The following TNFAIP1 variants were observed in gnomAD, a reference collection of about 807,000 sequenced individuals.
The protein encoded by TNFAIP1 is BTB/POZ domain-containing adapter for CUL3-mediated RhoA degradation protein 2.
In TNFAIP1, 20 loss-of-function variants were observed where a neutral mutation model predicts 32.6. The ratio of observed to expected loss-of-function variants is 0.61; its 90% CI spans 0.43 to 0.89. The LOEUF (loss-of-function observed/expected upper bound fraction) is 0.89. TNFAIP1 is among the 40% of genes least tolerant of loss of function. The pLI, the probability that TNFAIP1 is intolerant of heterozygous loss-of-function variation, is 0.00. For synonymous variants in TNFAIP1, 166 were observed against 166.8 expected, an observed-to-expected ratio of 1.00 and a Z score of 0.04; for missense variants, 319 against 425.1, an observed-to-expected ratio of 0.75 and a Z score of 2.20.
At chr17:28,343,781 CT>C (rs1407044229) in intron 6 of TNFAIP1, among the ~76,000 whole-genome samples, 5 of 152,058 alleles carry the variant, frequency 3.3e-5, no homozygotes, top group African/African-American at 1.2e-4. Context: ...CAGAGCAGGT[CT>C]GGCTAGAATT....
chr17:28,343,502 C>G (rs1453522137), intron 6 of TNFAIP1, among the ~76,000 whole-genome samples: 1 of 134,742 alleles, frequency 7.4e-6, no homozygotes. Flanking sequence ...GGCCAACTTA[C>G]AGGTGGCCCT....
At chr17:28,339,241 GAAAAA>G in intron 1 of TNFAIP1, among the ~76,000 whole-genome samples, 162 bp from the exon 2 acceptor site, 1 of 82,410 alleles carries the variant, frequency 1.2e-5, no homozygotes, top group African/African-American at 4.5e-5. Context: ...CTGTCTCTAA[GAAAAA>G]AAAAAAAAAA....
At chr17:28,338,524 C>G (rs1907249859) in intron 1 of TNFAIP1, among the ~76,000 whole-genome samples, 1 of 151,824 alleles carries the variant, frequency 6.6e-6, no homozygotes, top group African/African-American at 2.4e-5. Context: ...CTGGCCGGCA[C>G]CCCCGACCCT....
chr17:28,345,781 AGGAGCAACC>A lies in TNFAIP1; in HGVS notation c.*1183_*1191del, dbSNP rs1907534894. 6.6e-6 allele frequency: 1 copy of A among 152,304 alleles called. No individual in the cohort carries two copies. Among genetic ancestry groups the A allele is most frequent in the African/African-American group, 2.4e-5 (1 of 41,458 alleles). The allele number at this position is 152,304 out of a possible 1,614,324, so 9.4% of individuals were successfully genotyped here. A position where few individuals can be genotyped will look rare whatever the true frequency, so the allele number is the denominator to read the frequency against. On this transcript the variant is annotated 3_prime_UTR_variant, in exon 7 of 7. Transcript: ENST00000226225. ...GTGGTGTCTCTGAGCGCGGGATGAC[AGGAGCAACC>A]GAAGCACCCTGAAGGCCTTCACTCC...
At position 28,342,268 on chromosome 17, in the gene TNFAIP1, GA is replaced by G; in HGVS notation, c.545del (p.Asn182ThrfsTer170). ...YTSNSDDHLLKNIELFDKLSL... is the reference protein window; with the variant it reads ...YTSNSDDHLLXNIELFDKLSL... ...TCAGCAACTCTGACGACCACCTGCT[GA>G]AAAACATCGAGCTGTTTGACAAGCT... is the stretch of plus-strand genomic sequence containing the variant. On this transcript the variant is annotated frameshift_variant, in exon 6 of 7. Coordinates refer to ENST00000226225, the MANE Select transcript of TNFAIP1 (RefSeq NM_021137.5). LOFTEE classifies it high-confidence loss of function. The surrounding 1 kb of genome is among the most constrained non-coding windows in gnomAD (Gnocchi z 4.0). The G allele has an allele frequency of 1.3e-6, 2 of 1,584,698 alleles. No individual in the cohort carries two copies. The highest frequency in any genetic ancestry group is 8.7e-7 in the Non-Finnish European group (1 of 1,155,506).
At chr17:28,344,080 G>A (rs1003727788) in intron 6 of TNFAIP1, among the ~76,000 whole-genome samples, 9 of 152,180 alleles carry the variant, frequency 5.9e-5, no homozygotes, top group Admixed American at 2.6e-4. Flanking sequence ...AAGTGGTAGA[G>A]CTGTGTTGGG....
In TNFAIP1 at chr17:28,342,538, T is replaced by C. The variant is rs1597795046; in HGVS notation, c.714+96T>C. ...TGACCAGCACGGAGCAAAAGGGGCA[T>C]GGACTTGGCTCTTTTTTCCAAACAC... On this transcript the variant is annotated intron_variant, in intron 6 of 6. Coordinates refer to ENST00000226225, the MANE Select transcript of TNFAIP1 (RefSeq NM_021137.5). This position sits in a 1 kb window ranked among gnomAD's most constrained non-coding sequence, Gnocchi z 4.0. The C allele has an allele frequency of 1.6e-6, 2 of 1,252,870 alleles. No homozygotes were observed. The highest frequency in any genetic ancestry group is 4.8e-4 in the Middle Eastern group (2 of 4,158). The allele number at this position is 1,252,870 out of a possible 1,614,324, so 77.6% of individuals were successfully genotyped here. A position where few individuals can be genotyped will look rare whatever the true frequency, so the allele number is the denominator to read the frequency against.
At position 28,344,442 on chromosome 17, in the gene TNFAIP1, TC is replaced by T; in HGVS notation, c.795del (p.Leu266CysfsTer86). The T allele has an allele frequency of 1.2e-6, 2 of 1,613,844 alleles. No individual in the cohort carries two copies. Among genetic ancestry groups the T allele is most frequent in the Non-Finnish European group, 1.7e-6 (2 of 1,180,004 alleles). Reference sequence around the variant, plus strand: ...TGAGACTCCCCGCGTCCCCGACAACTCCTTGTTGGAGGCCACAAGCCGTAGC... The same window carrying T: ...TGAGACTCCCCGCGTCCCCGACAACTCTTGTTGGAGGCCACAAGCCGTAGC... ...LYETPRVPDN[S>X]LLEATSRSRS... is the part of the protein sequence containing the mutation. On this transcript the variant is annotated frameshift_variant, in exon 7 of 7. Coordinates refer to ENST00000226225, the MANE Select transcript of TNFAIP1 (RefSeq NM_021137.5). LOFTEE classifies it high-confidence loss of function.
intron 1 of TNFAIP1, 77 bp from the exon 2 acceptor site, chr17:28,339,331 C>T (rs1555577769): frequency 1.4e-5 from 7 of 488,180 alleles, no homozygotes; most frequent in Admixed American, 3.8e-5. Flanking sequence ...AGAATGAGTA[C>T]GGTCGTGTTT....
Position 28,342,442 on chromosome 17 carries a change from G to A in TNFAIP1, c.714G>A (p.Lys238=), listed in dbSNP as rs782214861. 1 of 1,578,984 alleles carries A rather than the reference G, an allele frequency of 6.3e-7. No individual in the cohort carries two copies. Among genetic ancestry groups the A allele is most frequent in the South Asian group, 1.1e-5 (1 of 89,654 alleles). The change falls in exon 6 of 7, where the codon AAG becomes AAA. Residue 238 remains lysine (K), a splice_region_variant and synonymous_variant. Transcript: ENST00000226225. The surrounding 1 kb of genome is among the most constrained non-coding windows in gnomAD (Gnocchi z 4.0). ...ATGCCACGGAGAAGAAGCAGACCAA[G>A]GTGTGGGGGATTGCCCCTGCCTGGG... ...IVYATEKKQT[K]VEFPEARIYE...
chr17:28,343,021 A>G (rs1361474602), intron 6 of TNFAIP1, among the ~76,000 whole-genome samples: 2 of 152,150 alleles, frequency 1.3e-5, no homozygotes, highest in African/African-American at 4.8e-5. Flanking sequence ...CAAAAAATAG[A>G]AAAATTAGCC....
At position 28,345,093 on chromosome 17, in the gene TNFAIP1, CTG is replaced by C. The variant is rs1555578756; in HGVS notation, c.*494_*495del. Reference sequence around the variant, plus strand: ...AATTCTAAATCTAGTAATGAGGAAACTGAGCATTTCTTTTGCCCTCCAGGGTG... The same window carrying C: ...AATTCTAAATCTAGTAATGAGGAAACAGCATTTCTTTTGCCCTCCAGGGTG... On this transcript the variant is annotated 3_prime_UTR_variant, in exon 7 of 7. Transcript: ENST00000226225. The C allele has an allele frequency of 5.8e-6, 1 of 172,292 alleles. No individual in the cohort carries two copies. Among genetic ancestry groups the C allele is most frequent in the Non-Finnish European group, 1.3e-5 (1 of 78,004 alleles). The allele number at this position is 172,292 out of a possible 1,614,324, so 10.7% of individuals were successfully genotyped here. A position where few individuals can be genotyped will look rare whatever the true frequency, so the allele number is the denominator to read the frequency against.
intron 5 of TNFAIP1, among the ~76,000 whole-genome samples, chr17:28,341,796 C>T (rs1366347121): frequency 1.3e-5 from 2 of 152,204 alleles, no homozygotes; most frequent in Non-Finnish European, 2.9e-5. Flanking sequence ...GCAGTTCACA[C>T]TGGGCCGATT....
rs782371983 is a variant in TNFAIP1, at chr17:28,345,262, A to G, written c.*662A>G. 1 of 152,716 alleles carries G rather than the reference A, an allele frequency of 6.5e-6. No homozygotes were observed. Among genetic ancestry groups the G allele is most frequent in the Non-Finnish European group, 1.5e-5 (1 of 68,140 alleles). The allele number at this position is 152,716 out of a possible 1,614,324, so 9.5% of individuals were successfully genotyped here. A position where few individuals can be genotyped will look rare whatever the true frequency, so the allele number is the denominator to read the frequency against. The stretch of plus-strand genomic sequence containing the variant: ...TCTACCCTAATCCCCACTTCCCTGC[A>G]GAATCAATCTGAGGGAGGGGATAAA... On this transcript the variant is annotated 3_prime_UTR_variant, in exon 7 of 7. Transcript: ENST00000226225.
rs1271958221 is a variant in TNFAIP1 at position 28,346,348 on chromosome 17, A to G, written c.*1748A>G. 6.6e-6 allele frequency: 1 copy of G among 152,222 alleles called. No individual in the cohort carries two copies. The highest frequency in any genetic ancestry group is 6.5e-5 in the Admixed American group (1 of 15,282). 9.4% of individuals were successfully genotyped at this position (152,222 alleles called of 1,614,324 possible). On this transcript the variant is annotated 3_prime_UTR_variant, in exon 7 of 7. Coordinates refer to ENST00000226225, the MANE Select transcript of TNFAIP1 (RefSeq NM_021137.5). The stretch of plus-strand genomic sequence containing the variant: ...GGCTTTGGCTTTATGACTTTCCCAC[A>G]GAGACTGGAATGCGTCAGCCTGAGA...
chr17:28,342,476 GAC>G lies in TNFAIP1; in HGVS notation c.714+41_714+42del, dbSNP rs1555578336. 5 of 1,552,898 alleles carry G rather than the reference GAC, an allele frequency of 3.2e-6. No homozygotes were observed. Among genetic ancestry groups the G allele is most frequent in the Non-Finnish European group, 3.5e-6 (4 of 1,135,190 alleles). ...GATTGCCCCTGCCTGGGTAGGGGAG[GAC>G]ACACACCCACTGTGCGGGGGACGTG... On this transcript the variant is annotated intron_variant, in intron 6 of 6. Transcript: ENST00000226225. The surrounding 1 kb of genome is among the most constrained non-coding windows in gnomAD (Gnocchi z 4.0).
Position 28,342,225 on chromosome 17 carries a change from T to C in TNFAIP1, c.519-22T>C. ...GGACTGGAACCTCACTCCCAGCCGC[T>C]TGGCCCTCATGTTTTTTTCAGCAAC... On this transcript the variant is annotated intron_variant, in intron 5 of 6. Transcript: ENST00000226225. The surrounding 1 kb of genome is among the most constrained non-coding windows in gnomAD (Gnocchi z 4.0). The C allele has an allele frequency of 6.4e-7, 1 of 1,562,692 alleles. No individual in the cohort carries two copies. The highest frequency in any genetic ancestry group is 1.7e-5 in the Admixed American group (1 of 58,732).
chr17:28,340,599 T>A lies in TNFAIP1; in HGVS notation c.375+121T>A. The stretch of plus-strand genomic sequence containing the variant: ...GAGGCGTGGTTGATGAGTGCAAACC[T>A]AATGAGACAAGTGAGATGCCACCCA... On this transcript the variant is annotated intron_variant, in intron 3 of 6. Transcript: ENST00000226225. This position sits in a 1 kb window ranked among gnomAD's most constrained non-coding sequence, Gnocchi z 4.1. The A allele has an allele frequency of 1.7e-6, 2 of 1,169,034 alleles. No individual in the cohort carries two copies. Among genetic ancestry groups the A allele is most frequent in the Non-Finnish European group, 2.4e-6 (2 of 834,196 alleles). 72.4% of individuals were successfully genotyped at this position (1,169,034 alleles called of 1,614,324 possible). A position where few individuals can be genotyped will look rare whatever the true frequency, so the allele number is the denominator to read the frequency against.
rs781907314 is a variant in TNFAIP1, at chr17:28,341,333, G to A, written c.465+7G>A. ...CATCGAATCCTCCACCAAGGTACCA[G>A]GACCTCTGAGGGGTGCGGGCCGGGG... On this transcript the variant is annotated splice_region_variant and intron_variant, in intron 4 of 6. Coordinates refer to ENST00000226225, the MANE Select transcript of TNFAIP1 (RefSeq NM_021137.5). 20 of 1,614,214 alleles carry A rather than the reference G, an allele frequency of 1.2e-5. No individual in the cohort carries two copies. Among genetic ancestry groups the A allele is most frequent in the East Asian group, 2.2e-5 (1 of 44,878 alleles).
Sources: allele counts gnomAD v4.1 joint callset (sites outside exome capture counted in the v4.1 genomes callset), GRCh38; gene constraint gnomAD v4.1.1; non-coding constraint Gnocchi (gnomAD v3.1); transcripts MANE v1.5; gene names NCBI Gene and HGNC (gene_info 2026-07-23, HGNC 2026-07-21).